FUT8: variants seen among roughly 807,000 people sequenced by gnomAD.
The protein encoded by FUT8 is alpha-(1,6)-fucosyltransferase.
Under a neutral mutation model 71.3 loss-of-function variants are expected in FUT8, and 29 were observed. The ratio of observed to expected loss-of-function variants is 0.41; its 90% CI spans 0.30 to 0.55. The LOEUF (loss-of-function observed/expected upper bound fraction) is 0.55, where lower values mean the gene tolerates loss of function less well. FUT8 is among the 20% of genes least tolerant of loss of function. The pLI is 0.34. For missense variants in FUT8, 544 were observed against 702.1 expected, an observed-to-expected ratio of 0.77 and a Z score of 2.55; for synonymous variants, 254 against 239.3, an observed-to-expected ratio of 1.06 and a Z score of -0.57.
At chr14:65,733,417 C>T (rs1896070218) in intron 10 of FUT8, 36 bp downstream of exon 10, 3 of 1,490,304 alleles carry the variant, frequency 2.0e-6, no homozygotes, top group Middle Eastern at 1.8e-4. Context: ...ATAACCAATA[C>T]TTTTTGGTTG....
rs71126744 is a variant in FUT8 at position 65,433,786 on chromosome 14, T to TTCTCTCTCTCTCTCTCTCTCTCTCTCTC, written c.-326+20577_-326+20604dup. Among the ~76,000 whole-genome samples the TTCTCTCTCTCTCTCTCTCTCTCTCTCTC allele has an allele frequency of 1.9e-3, 275 of 144,916 alleles. 10 individuals carry two copies. Among genetic ancestry groups the TTCTCTCTCTCTCTCTCTCTCTCTCTCTC allele is most frequent in the South Asian group, 0.014 (57 of 4,156 alleles). ...TTTATTTCTACCTCTCTTCTGTCTC[T>TTCTCTCTCTCTCTCTCTCTCTCTCTCTC]TCTCTCTCTCTCTCTCTCTCTCTCT... On this transcript the variant is annotated intron_variant, in intron 1 of 10. Transcript: ENST00000673929.
chr14:65,383,265 C>CTTTTTT, the FUT8 span, among the ~76,000 whole-genome samples: 33 of 86,540 alleles, frequency 3.8e-4, no homozygotes, highest in Non-Finnish European at 4.1e-4. Flanking sequence ...TTTTTCTTTT[C>CTTTTTT]TTTTTTTTTT....
intron 2 of FUT8, among the ~76,000 whole-genome samples, chr14:65,503,252 C>G (rs375202765): frequency 3.9e-5 from 6 of 152,226 alleles, no homozygotes. Context: ...TAATTGTGTA[C>G]ATATTTAAGG....
At chr14:65,717,626 T>C (rs1218371547) in intron 7 of FUT8, among the ~76,000 whole-genome samples, 55 of 91,066 alleles carry the variant, frequency 6.0e-4, no homozygotes, top group South Asian at 8.8e-4. Flanking sequence ...CGCTCCCCAC[T>C]TCCCAGACGG....
At chr14:65,421,085 C>T (rs1595351086) in intron 1 of FUT8, among the ~76,000 whole-genome samples, 2 of 150,676 alleles carry the variant, frequency 1.3e-5, no homozygotes, top group East Asian at 3.9e-4. Flanking sequence ...CTCAGCTATT[C>T]AGGAGGCTGA....
chr14:65,594,797 G>A (rs1331596013), intron 3 of FUT8, among the ~76,000 whole-genome samples: 1 of 152,090 alleles, frequency 6.6e-6, no homozygotes, highest in Admixed American at 6.5e-5. Flanking sequence ...TCCAGCCGGT[G>A]TCTCTGAAGT....
At chr14:65,665,853 G>C (rs1352928360) in intron 6 of FUT8, among the ~76,000 whole-genome samples, 1 of 152,144 alleles carries the variant, frequency 6.6e-6, no homozygotes, top group Non-Finnish European at 1.5e-5. Flanking sequence ...AATACTGCAT[G>C]TTCTCACTTA....
At chr14:65,422,984 CTTTT>C (rs34536679) in intron 1 of FUT8, among the ~76,000 whole-genome samples, 10 of 127,424 alleles carry the variant, frequency 7.8e-5, no homozygotes, top group Non-Finnish European at 1.2e-4. Context: ...TTCTTTCTTT[CTTTT>C]TTTTTTTTTT....
At chr14:65,598,426 T>G (rs980498780) in intron 3 of FUT8, among the ~76,000 whole-genome samples, 20 of 152,246 alleles carry the variant, frequency 1.3e-4, no homozygotes, top group Admixed American at 9.8e-4. Flanking sequence ...TTTCGCCATA[T>G]TGGCCAGGCT....
At chr14:65,585,436 C>T (rs557320478) in intron 3 of FUT8, among the ~76,000 whole-genome samples, 53 of 152,280 alleles carry the variant, frequency 3.5e-4, no homozygotes, top group African/African-American at 1.2e-3. Context: ...GTCCTCCCAA[C>T]GTGGCCTCCC....
At position 65,634,126 on chromosome 14, in the gene FUT8, G is replaced by A. The variant is rs367853105; in HGVS notation, c.597+4520G>A. Among the ~76,000 whole-genome samples, 869 of 152,244 alleles carry A rather than the reference G, an allele frequency of 5.7e-3. 28 individuals carry two copies. The East Asian group carries it at 0.092, about 16-fold the overall frequency. On this transcript the variant is annotated intron_variant, in intron 6 of 10. Transcript: ENST00000673929. ...GGCGGTTTTGTGGAATAGAAAGGGG[G>A]GAAAGGTGGGGAAAAGATTGAGAAA...
At chr14:65,508,983 T>C (rs1201009551) in intron 2 of FUT8, among the ~76,000 whole-genome samples, 1 of 152,272 alleles carries the variant, frequency 6.6e-6, no homozygotes, top group East Asian at 1.9e-4. Context: ...GGGTATTACT[T>C]AAGAAATCAT....
intron 3 of FUT8, among the ~76,000 whole-genome samples, chr14:65,579,401 G>C (rs1196330140): frequency 6.6e-6 from 1 of 152,086 alleles, no homozygotes; most frequent in Non-Finnish European, 1.5e-5. Context: ...ATTGAAAATG[G>C]CCACTTGAAT....
intron 2 of FUT8, among the ~76,000 whole-genome samples, chr14:65,538,875 C>T (rs191397299): frequency 2.6e-5 from 4 of 152,174 alleles, no homozygotes; most frequent in East Asian, 1.9e-4. Flanking sequence ...GAGCCAAGAT[C>T]GCGCCATTGC....
At chr14:65,535,225 G>A (rs1884226735) in intron 2 of FUT8, among the ~76,000 whole-genome samples, 2 of 151,832 alleles carry the variant, frequency 1.3e-5, no homozygotes, top group Non-Finnish European at 2.9e-5. Flanking sequence ...TCAGCGTCAT[G>A]AGTAGCTAGG....
At chr14:65,551,632 T>A (rs753320602) in intron 2 of FUT8, among the ~76,000 whole-genome samples, 1 of 152,188 alleles carries the variant, frequency 6.6e-6, no homozygotes, top group Non-Finnish European at 1.5e-5. Flanking sequence ...GCATAGATTG[T>A]GGTGATGAGT....
the FUT8 span, among the ~76,000 whole-genome samples, chr14:65,361,929 C>T: frequency 1.3e-5 from 2 of 152,038 alleles, no homozygotes; most frequent in Non-Finnish European, 2.9e-5. Flanking sequence ...GTAGATCCTC[C>T]CCTATCTCTA....
At chr14:65,481,374 A>T (rs1394695916) in intron 2 of FUT8, among the ~76,000 whole-genome samples, 1 of 151,906 alleles carries the variant, frequency 6.6e-6, no homozygotes, top group Non-Finnish European at 1.5e-5. Flanking sequence ...GTGATTTATA[A>T]TTCCGTAACA....
At chr14:65,474,978 C>T (rs561882061) in intron 2 of FUT8, among the ~76,000 whole-genome samples, 8 of 152,244 alleles carry the variant, frequency 5.3e-5, no homozygotes, top group East Asian at 1.9e-4. Flanking sequence ...TGTGAGCCAC[C>T]GCACCTGGCT....
Sources: allele counts gnomAD v4.1 joint callset (sites outside exome capture counted in the v4.1 genomes callset), GRCh38; gene constraint gnomAD v4.1.1; transcripts MANE v1.5; gene names NCBI Gene and HGNC (gene_info 2026-07-23, HGNC 2026-07-21).